BANP: variants seen among roughly 807,000 people sequenced by gnomAD.
BANP encodes the protein protein BANP.
Under a neutral mutation model 68.1 loss-of-function variants are expected in BANP, and 11 were observed. The ratio of observed to expected loss-of-function variants is 0.16; its 90% CI spans 0.10 to 0.27. The LOEUF is 0.27. Ranked by LOEUF, BANP falls within the 10% of genes least tolerant of loss-of-function variation. The probability of loss-of-function intolerance (pLI) is 1.00; values close to 1 mark genes in which losing one functional copy is unlikely to be tolerated. For missense variants in BANP, 504 were observed against 722.7 expected (o/e 0.70, Z 3.47); for synonymous variants, 329 against 303.2 (o/e 1.09, Z -0.88).
intron 11 of BANP, among the ~76,000 whole-genome samples, chr16:88,043,944 T>G (rs574382494): frequency 6.6e-6 from 1 of 152,348 alleles, no homozygotes; most frequent in African/African-American, 2.4e-5. Flanking sequence ...GTGGATGACT[T>G]TATTTTTGAG....
chr16:87,984,965 G>C (rs149806963), intron 4 of BANP, among the ~76,000 whole-genome samples: 1 of 152,214 alleles, frequency 6.6e-6, no homozygotes, highest in Non-Finnish European at 1.5e-5. Context: ...CTCACTTCAG[G>C]TTCCCTGGCC....
Position 88,033,178 on chromosome 16 carries a change from A to G in BANP, c.1133A>G (p.His378Arg), listed in dbSNP as rs1234133421. 2.5e-6 allele frequency: 4 copies of G among 1,611,774 alleles called. No homozygotes were observed. Among genetic ancestry groups the G allele is most frequent in the African/African-American group, 2.7e-5 (2 of 74,906 alleles). Residue 378 changes from histidine to arginine, a missense_variant, in exon 9 of 14, where the codon CAC becomes CGC. Around this residue, in one of 3 missense-constraint regions of BANP, gnomAD observed 223 missense variants for 246.2 expected, o/e 0.91. Coordinates refer to ENST00000682872, the MANE Select transcript of BANP (RefSeq NM_001386991.1). The part of the protein sequence containing the change: ...PQPQPQPQAL[H>R]YALANAQQVQ... ...CCACAGCCGCAGCCGCAGGCCCTGC[A>G]CTACGCGCTGGCCAACGCACAGCAG...
chr16:87,968,855 C>T (rs1003179189), intron 1 of BANP, among the ~76,000 whole-genome samples: 1 of 152,130 alleles, frequency 6.6e-6, no homozygotes, highest in Admixed American at 6.5e-5. Context: ...CCTGTCCGAT[C>T]ATTTTTTAAA....
intron 3 of BANP, chr16:87,982,745 A>G (rs1283687962): frequency 6.6e-5 from 10 of 152,268 alleles, no homozygotes; most frequent in Admixed American, 6.5e-4. Flanking sequence ...GACCTGAGAA[A>G]AGGCGAGTTG....
At chr16:87,950,909 G>A (rs1175835762), upstream of BANP, 3 of 152,370 alleles carry the variant, frequency 2.0e-5, no homozygotes, top group African/African-American at 7.2e-5. Flanking sequence ...CCTCAGGGCA[G>A]GACCCGCCGC....
chr16:88,035,232 A>G (rs1372157998), intron 9 of BANP, 91 bp from the exon 10 acceptor site: 1 of 1,167,072 alleles, frequency 8.6e-7, no homozygotes, highest in African/African-American at 1.5e-5. Context: ...TTGTAAACAG[A>G]TAATCAAGAA....
chr16:88,011,346 G>A (rs1051260842), intron 6 of BANP, among the ~76,000 whole-genome samples: 9 of 152,242 alleles, frequency 5.9e-5, no homozygotes, highest in African/African-American at 2.2e-4. Context: ...CAGACGCCTG[G>A]AGAGCAAACT....
chr16:87,956,958 T>C (rs546709692), intron 1 of BANP: 1 of 152,348 alleles, frequency 6.6e-6, no homozygotes, highest in South Asian at 2.1e-4. Flanking sequence ...CGTGGCAGAA[T>C]CCTGTGAGTG....
intron 4 of BANP, among the ~76,000 whole-genome samples, chr16:87,985,333 C>A (rs1022041012): frequency 3.3e-5 from 5 of 152,174 alleles, no homozygotes; most frequent in Non-Finnish European, 5.9e-5. Flanking sequence ...CAGGCGGGAG[C>A]TGGGGATCGT....
At chr16:88,022,019 T>C (rs1379162743) in intron 7 of BANP, among the ~76,000 whole-genome samples, 1 of 152,100 alleles carries the variant, frequency 6.6e-6, no homozygotes, top group Non-Finnish European at 1.5e-5. Context: ...AATTTGCTTT[T>C]TGGGGTGTTG....
chr16:88,005,161 G>A (rs540744358), intron 5 of BANP, among the ~76,000 whole-genome samples: 13 of 152,170 alleles, frequency 8.5e-5, no homozygotes, highest in African/African-American at 2.7e-4. Context: ...GGTCTGATAC[G>A]TGGGGTGAAG....
intron 7 of BANP, among the ~76,000 whole-genome samples, chr16:88,019,370 G>C (rs1476717495): frequency 6.6e-6 from 1 of 152,128 alleles, no homozygotes; most frequent in African/African-American, 2.4e-5. Context: ...AAGTGAAGCA[G>C]CAGCAAACGC....
chr16:88,015,066 CCTCTG>C (rs2152634796), intron 6 of BANP, among the ~76,000 whole-genome samples: 1 of 150,058 alleles, frequency 6.7e-6, no homozygotes, highest in African/African-American at 2.5e-5. Context: ...CAGCTCATGC[CCTCTG>C]CTCGTCTCCT....
intron 7 of BANP, among the ~76,000 whole-genome samples, chr16:88,020,370 C>T (rs752660105): frequency 2.2e-4 from 33 of 152,258 alleles, no homozygotes; most frequent in Non-Finnish European, 4.6e-4. Context: ...CAGGAGCACA[C>T]ATCTGCGCAC....
At chr16:87,960,986 C>T (rs915546549) in intron 1 of BANP, among the ~76,000 whole-genome samples, 4 of 152,182 alleles carry the variant, frequency 2.6e-5, no homozygotes, top group Non-Finnish European at 5.9e-5. Flanking sequence ...AGTGCTAATG[C>T]TGATGAACCG....
chr16:88,049,051 G>A (rs575607680), intron 11 of BANP, among the ~76,000 whole-genome samples: 42 of 152,220 alleles, frequency 2.8e-4, no homozygotes, highest in South Asian at 1.0e-3. Flanking sequence ...GGGACCAAAC[G>A]TGGGGTTTTT....
rs374030617 is a variant in BANP at position 87,960,388 on chromosome 16, T to C, written c.-69+8873T>C. Among the ~76,000 whole-genome samples, 5 of 152,268 alleles carry C rather than the reference T, an allele frequency of 3.3e-5. No individual in the cohort carries two copies. The South Asian group carries it at 8.3e-4, about 25-fold the overall frequency. The stretch of plus-strand genomic sequence containing the variant: ...GCTTGGGTGAGGGTTTGGAACGTGC[T>C]TAAAGAGGTTGGCAGGCAAGGATTT... On this transcript the variant is annotated intron_variant, in intron 1 of 13. Transcript: ENST00000682872.
intron 8 of BANP, among the ~76,000 whole-genome samples, chr16:88,030,563 T>G (rs1029743382): frequency 2.6e-5 from 4 of 152,244 alleles, no homozygotes; most frequent in Admixed American, 2.6e-4. Context: ...ACCTGACGAC[T>G]GCCAGATATG....
rs971608912 is a variant in BANP, at chr16:88,071,227, TAGTGGGGTGCAACCCCA to T, written c.1378-837_1378-821del. 5.7e-5 allele frequency: 20 copies of T among 348,898 alleles called. No individual in the cohort carries two copies. Among genetic ancestry groups the T allele is most frequent in the Middle Eastern group, 9.9e-4 (1 of 1,008 alleles). The allele number at this position is 348,898 out of a possible 1,614,324, so 21.6% of individuals were successfully genotyped here. Reference sequence around the variant, plus strand: ...TGGGATGCATCTCCTGGCCCTCCCGTAGTGGGGTGCAACCCCAAGTGAAGACCCCGTGGCTCATGTCA... The same window carrying T: ...TGGGATGCATCTCCTGGCCCTCCCGTAGTGAAGACCCCGTGGCTCATGTCA... On this transcript the variant is annotated intron_variant, in intron 12 of 13. Transcript: ENST00000682872. This position sits in a 1 kb window ranked among gnomAD's most constrained non-coding sequence, Gnocchi z 6.5.
Sources: gnomAD v4.1 joint callset for allele counts (sites outside exome capture counted in the v4.1 genomes callset) on GRCh38, gnomAD v4.1.1 for gene constraint, gnomAD v4.1.1 regional missense constraint, Gnocchi (gnomAD v3.1) non-coding constraint, MANE v1.5 for transcripts, NCBI Gene and HGNC (gene_info 2026-07-23, HGNC 2026-07-21) for gene names.